ROBO2: variants seen among roughly 807,000 people sequenced by gnomAD.
ROBO2 encodes the protein roundabout homolog 2.
A neutral mutation model predicts 160.8 loss-of-function variants in ROBO2; 53 were observed. The ratio of observed to expected loss-of-function variants is 0.33; its 90% CI spans 0.26 to 0.41. The LOEUF (loss-of-function observed/expected upper bound fraction) is 0.41. Ranked by LOEUF, ROBO2 falls within the 10% of genes least tolerant of loss-of-function variation. The pLI, the probability that ROBO2 is intolerant of heterozygous loss-of-function variation, is 1.00. For synonymous variants in ROBO2, 664 were observed against 611.7 expected, an observed-to-expected ratio of 1.09 and a Z score of -1.26; for missense variants, 1,577 against 1,722.4, an observed-to-expected ratio of 0.92 and a Z score of 1.49.
intron 2 of ROBO2, among the ~76,000 whole-genome samples, chr3:76,397,132 A>C (rs1490945146): frequency 1.3e-5 from 2 of 152,186 alleles, no homozygotes; most frequent in East Asian, 1.9e-4. Flanking sequence ...AGAGATATAG[A>C]TCAATGGAAC....
chr3:76,939,453 C>T (rs751862403), intron 2 of ROBO2, among the ~76,000 whole-genome samples: 1 of 152,028 alleles, frequency 6.6e-6, no homozygotes, highest in Non-Finnish European at 1.5e-5. Context: ...TTTCTTTTTC[C>T]TTCCAAAATT....
At chr3:77,179,893 A>T (rs1482469649) in intron 2 of ROBO2, among the ~76,000 whole-genome samples, 1 of 152,104 alleles carries the variant, frequency 6.6e-6, no homozygotes, top group Non-Finnish European at 1.5e-5. Context: ...TAGTTTCATG[A>T]ACAGGAGCCC....
chr3:77,608,908 T>C (rs2094574709), intron 21 of ROBO2, among the ~76,000 whole-genome samples: 1 of 151,248 alleles, frequency 6.6e-6, no homozygotes. Context: ...AAATCACATA[T>C]ACATGTTTAT....
intron 8 of ROBO2, among the ~76,000 whole-genome samples, chr3:77,555,748 T>A (rs1453093789): frequency 6.6e-6 from 1 of 151,960 alleles, no homozygotes; most frequent in East Asian, 1.9e-4. Context: ...GTATTTATAA[T>A]GCATAGTGAG....
intron 2 of ROBO2, among the ~76,000 whole-genome samples, chr3:76,482,755 A>C (rs2079280260): frequency 6.6e-6 from 1 of 152,142 alleles, no homozygotes; most frequent in African/African-American, 2.4e-5. Flanking sequence ...GGAATTATGA[A>C]GCTTATGGGT....
At chr3:77,279,880 A>G (rs1479033757) in intron 2 of ROBO2, among the ~76,000 whole-genome samples, 1 of 152,158 alleles carries the variant, frequency 6.6e-6, no homozygotes, top group Non-Finnish European at 1.5e-5. Context: ...GATGTCTCAC[A>G]TACACACACA....
chr3:77,518,089 G>A (rs2090208546), intron 5 of ROBO2, among the ~76,000 whole-genome samples: 1 of 151,444 alleles, frequency 6.6e-6, no homozygotes, highest in South Asian at 2.1e-4. Flanking sequence ...TTTCTGTTTG[G>A]CACAAGGAGT....
chr3:77,591,642 T>C (rs992780117), intron 17 of ROBO2, among the ~76,000 whole-genome samples: 4 of 152,186 alleles, frequency 2.6e-5, no homozygotes, highest in Admixed American at 2.0e-4. Flanking sequence ...AAATATTCTG[T>C]ATGTAACTCC....
rs72456914 is a variant in ROBO2 at position 76,502,987 on chromosome 3, G to GATAT, written c.109+565396_109+565399dup. Among the ~76,000 whole-genome samples, 42 of 144,950 alleles carry GATAT rather than the reference G, an allele frequency of 2.9e-4. 2 individuals carry two copies. Among genetic ancestry groups the GATAT allele is most frequent in the South Asian group, 2.5e-3 (11 of 4,354 alleles). On this transcript the variant is annotated intron_variant, in intron 2 of 26. Coordinates refer to the ROBO2 transcript ENST00000487694. ...TCTCTTAGAGGGACAGAACTAACAGGATATATATATATATGTGTGTGTGTG... is the reference window on the plus strand; with the variant it reads ...TCTCTTAGAGGGACAGAACTAACAGGATATATATATATATATATGTGTGTGTGTG...
chr3:76,942,131 A>G (rs899176010), intron 2 of ROBO2, among the ~76,000 whole-genome samples: 3 of 152,206 alleles, frequency 2.0e-5, no homozygotes, highest in East Asian at 1.9e-4. Flanking sequence ...AGATTATTAT[A>G]TAGAAAATGT....
chr3:76,447,244 C>T (rs1182668204), intron 2 of ROBO2, among the ~76,000 whole-genome samples: 14 of 152,140 alleles, frequency 9.2e-5, no homozygotes, highest in Admixed American at 2.0e-4. Context: ...TATGAACAGA[C>T]ACTTCTCAAA....
At chr3:76,431,984 G>C (rs569790835) in intron 2 of ROBO2, among the ~76,000 whole-genome samples, 7 of 152,162 alleles carry the variant, frequency 4.6e-5, no homozygotes, top group African/African-American at 1.7e-4. Context: ...AGGTGTTAGA[G>C]GCTGTTGCTT....
intron 2 of ROBO2, among the ~76,000 whole-genome samples, chr3:76,653,767 G>A (rs539963952): frequency 6.6e-6 from 1 of 152,230 alleles, no homozygotes; most frequent in Admixed American, 6.5e-5. Context: ...CTTCAGTTAT[G>A]CAAAGGGGCA....
intron 1 of ROBO2, among the ~76,000 whole-genome samples, chr3:75,917,594 T>A (rs1304462217): frequency 1.3e-5 from 2 of 152,202 alleles, no homozygotes; most frequent in African/African-American, 4.8e-5. Flanking sequence ...TGGTTCTATA[T>A]CCTTGAGGAA....
chr3:77,318,626 C>T (rs2064323794), intron 2 of ROBO2, among the ~76,000 whole-genome samples: 1 of 152,126 alleles, frequency 6.6e-6, no homozygotes, highest in Non-Finnish European at 1.5e-5. Flanking sequence ...ACCACTTGAG[C>T]AAACTACTTA....
intron 2 of ROBO2, among the ~76,000 whole-genome samples, chr3:76,757,709 A>G (rs2061060325): frequency 6.6e-6 from 1 of 151,868 alleles, no homozygotes; most frequent in Admixed American, 6.6e-5. Context: ...GGAAAATATA[A>G]ACATAATAAC....
chr3:77,451,432 AC>A (rs1317505002), intron 2 of ROBO2, among the ~76,000 whole-genome samples: 2 of 152,054 alleles, frequency 1.3e-5, no homozygotes, highest in African/African-American at 4.8e-5. Flanking sequence ...TTAGATCACT[AC>A]CTTTGGCTTA....
At chr3:76,576,408 C>A (rs1412646931) in intron 2 of ROBO2, among the ~76,000 whole-genome samples, 2 of 151,982 alleles carry the variant, frequency 1.3e-5, no homozygotes, top group African/African-American at 2.4e-5. Context: ...TTGAATGCAA[C>A]CGTCTTGAGA....
chr3:76,146,979 G>T (rs1577050317), intron 2 of ROBO2, among the ~76,000 whole-genome samples: 2 of 151,136 alleles, frequency 1.3e-5, no homozygotes, highest in Non-Finnish European at 3.0e-5. Flanking sequence ...GGAGGGTAGA[G>T]ATTGGGAGGT....
Sources: gnomAD v4.1 joint callset for allele counts (sites outside exome capture counted in the v4.1 genomes callset) on GRCh38, gnomAD v4.1.1 for gene constraint, MANE v1.5 for transcripts, NCBI Gene and HGNC (gene_info 2026-07-23, HGNC 2026-07-21) for gene names.